STAG3: variants seen among roughly 807,000 people sequenced by gnomAD.
The protein encoded by STAG3 is cohesin subunit SA-3.
Under a neutral mutation model 160.7 loss-of-function variants are expected in STAG3, and 101 were observed. The ratio of observed to expected loss-of-function variants is 0.63; its 90% CI spans 0.54 to 0.74. The LOEUF (loss-of-function observed/expected upper bound fraction) is 0.74, where lower values mean the gene tolerates loss of function less well. STAG3 is among the 30% of genes least tolerant of loss of function. STAG3 has a pLI of 0.00. For synonymous variants in STAG3, 519 were observed against 585.0 expected, an observed-to-expected ratio of 0.89 and a Z score of 1.63; for missense variants, 1,188 against 1,517.4, an observed-to-expected ratio of 0.78 and a Z score of 3.61.
intron 27 of STAG3, 59 bp from the exon 28 acceptor site, chr7:100,204,946 C>T: frequency 6.3e-7 from 1 of 1,592,848 alleles, no homozygotes; most frequent in Non-Finnish European, 8.5e-7. Context: ...CAGGATAGCT[C>T]AGGCCTGGGA....
intron 5 of STAG3, 110 bp from the exon 6 acceptor site, chr7:100,188,343 C>T: frequency 2.5e-6 from 2 of 814,000 alleles, no homozygotes; most frequent in Non-Finnish European, 2.2e-6. Flanking sequence ...TCTCATTCCC[C>T]ACCTAAGCTC....
downstream of STAG3, among the ~76,000 whole-genome samples, chr7:100,217,624 T>C (rs1727138): frequency 0.69 from 104,930 of 151,820 alleles, 36,965 homozygotes; most frequent in Middle Eastern, 0.86. Context: ...CGCGCTGCTA[T>C]TTATGGTATT....
intron 5 of STAG3, among the ~76,000 whole-genome samples, chr7:100,186,644 A>G (rs1416209179): frequency 2.0e-5 from 3 of 152,148 alleles, no homozygotes; most frequent in African/African-American, 7.2e-5. Context: ...GGATAGCGCC[A>G]CTGCACTCCA....
rs188578171 is a variant in STAG3 at position 100,200,486 on chromosome 7, C to T, written c.1804C>T (p.Leu602Phe). The change falls in exon 18 of 34, where the codon CTC becomes TTC. Residue 602 changes from leucine (L) to phenylalanine (F), a missense_variant. By Grantham distance (22) the Leu-to-Phe change is conservative (BLOSUM62 0). Coordinates refer to ENST00000615138, the MANE Select transcript of STAG3 (RefSeq NM_001282717.2). ...TGATGCAGAGAAGGTCACTCCCCTG[C>T]TCCAGCTTCTCAGCTGCTTTGACCT... ...SADAEKVTPL[L>F]QLLSCFDLHI... is the part of the protein sequence containing the mutation. 74 of 1,614,170 alleles carry T rather than the reference C, an allele frequency of 4.6e-5. No individual in the cohort carries two copies. The highest frequency in any genetic ancestry group is 5.7e-5 in the Non-Finnish European group (67 of 1,180,028).
At chr7:100,216,715 C>T (rs559973908), downstream of STAG3, among the ~76,000 whole-genome samples, 12 of 151,732 alleles carry the variant, frequency 7.9e-5, no homozygotes, top group South Asian at 1.5e-3. Context: ...ACAGGAGAAT[C>T]GCTTGAATTT....
chr7:100,200,065 CAAAAA>C (rs59199513), intron 16 of STAG3, 166 bp from the exon 17 acceptor site: 205 of 372,948 alleles, frequency 5.5e-4, no homozygotes, highest in South Asian at 7.5e-4. Context: ...GACTCCGTCT[CAAAAA>C]AAAAAAAAAA....
downstream of STAG3, among the ~76,000 whole-genome samples, chr7:100,216,026 C>T (rs1210763303): frequency 6.6e-6 from 1 of 152,190 alleles, no homozygotes; most frequent in Non-Finnish European, 1.5e-5. Context: ...AGGTCCCAGC[C>T]AACATCCATG....
intron 19 of STAG3, 58 bp from the exon 20 acceptor site, chr7:100,201,032 G>A: frequency 6.2e-7 from 1 of 1,614,040 alleles, no homozygotes; most frequent in Non-Finnish European, 8.5e-7. Context: ...GCAAGACGGG[G>A]GATGTGGACT....
At chr7:100,200,696 C>T (rs778056716) in intron 18 of STAG3, 73 bp from the exon 19 acceptor site, 264 of 1,570,314 alleles carry the variant, frequency 1.7e-4, no homozygotes, top group Non-Finnish European at 2.2e-4. Context: ...CTTTTAACCC[C>T]GTTCCACTTC....
chr7:100,196,144 AAG>A (rs1049781129), intron 9 of STAG3, among the ~76,000 whole-genome samples: 1 of 152,000 alleles, frequency 6.6e-6, no homozygotes, highest in African/African-American at 2.4e-5. Flanking sequence ...AAAGAAAAAA[AAG>A]AAAAAAAAAA....
chr7:100,205,467 G>C, intron 29 of STAG3, 83 bp downstream of exon 29: 1 of 1,325,030 alleles, frequency 7.5e-7, no homozygotes, highest in South Asian at 1.5e-5. Context: ...GTATTTCATT[G>C]AGCATCTACT....
At chr7:100,216,182 T>C (rs1199102512), downstream of STAG3, among the ~76,000 whole-genome samples, 1 of 152,194 alleles carries the variant, frequency 6.6e-6, no homozygotes, top group Non-Finnish European at 1.5e-5. Flanking sequence ...GTGGAGCCCA[T>C]GAGCATAGTA....
At position 100,199,574 on chromosome 7, in the gene STAG3, A is replaced by T; in HGVS notation, c.1607A>T (p.Glu536Val). 6.2e-7 allele frequency: 1 copy of T among 1,604,070 alleles called. No individual in the cohort carries two copies. Among genetic ancestry groups the T allele is most frequent in the Non-Finnish European group, 8.5e-7 (1 of 1,175,434 alleles). ...LGDVQESTLI[E>V]ILVSSARQAS... is the part of the protein sequence containing the mutation. Reference sequence around the variant, plus strand: ...GATGTGCAGGAGAGCACACTGATAGAAATCCTTGTGTCCAGTGCCCGGCAA... The same window carrying T: ...GATGTGCAGGAGAGCACACTGATAGTAATCCTTGTGTCCAGTGCCCGGCAA... Residue 536 changes from glutamate to valine, a missense_variant, in exon 16 of 34, where the codon GAA (glutamate) becomes GTA (valine). By Grantham distance (121) the Glu-to-Val change is moderately radical. Transcript: ENST00000615138.
At chr7:100,211,339 A>G in intron 30 of STAG3, 96 bp from the exon 31 acceptor site, 1 of 1,497,970 alleles carries the variant, frequency 6.7e-7, no homozygotes, top group South Asian at 1.2e-5. Flanking sequence ...TTTAAAATGC[A>G]TCTCTCTGAG....
In STAG3 at chr7:100,201,991, G is replaced by A; in HGVS notation, c.2344G>A (p.Glu782Lys). 1 of 1,614,146 alleles carries A rather than the reference G, an allele frequency of 6.2e-7. No homozygotes were observed. Among genetic ancestry groups the A allele is most frequent in the Non-Finnish European group, 8.5e-7 (1 of 1,180,050 alleles). ...SLRDRMVAFCELCQSCLSDVD... is the reference protein window; with the variant it reads ...SLRDRMVAFCKLCQSCLSDVD... ...GAGGGACAGAATGGTGGCCTTCTGTGAACTCTGCCAGAGTTGCCTCTCAGA... is the reference window on the plus strand; with the variant it reads ...GAGGGACAGAATGGTGGCCTTCTGTAAACTCTGCCAGAGTTGCCTCTCAGA... Residue 782 changes from glutamate (E) to lysine (K), a missense_variant, in exon 23 of 34, where the codon GAA (glutamate) becomes AAA (lysine). Glu to Lys is a moderately conservative substitution (Grantham distance 56, BLOSUM62 1). Transcript: ENST00000615138.
At chr7:100,203,935 G>A (rs925273030) in intron 25 of STAG3, 86 bp from the exon 26 acceptor site, 15 of 839,952 alleles carry the variant, frequency 1.8e-5, no homozygotes, top group Non-Finnish European at 3.0e-5. Flanking sequence ...GAGTTTGGGA[G>A]GGAGACATGA....
chr7:100,194,465 C>T (rs1226378052), intron 8 of STAG3, among the ~76,000 whole-genome samples: 2 of 152,086 alleles, frequency 1.3e-5, no homozygotes, highest in East Asian at 1.9e-4. Flanking sequence ...TATATGGGCA[C>T]GGTTTGTGGT....
intron 5 of STAG3, among the ~76,000 whole-genome samples, 182 bp from the exon 6 acceptor site, chr7:100,188,271 A>AG (rs1800152232): frequency 6.6e-6 from 1 of 152,134 alleles, no homozygotes; most frequent in Admixed American, 6.5e-5. Context: ...TTGGGTTTTT[A>AG]GAGAGATTGC....
chr7:100,199,345 C>G lies in STAG3; in HGVS notation c.1551C>G (p.Ser517Arg). Residue 517 changes from serine (S) to arginine (R), a missense_variant, in exon 15 of 34, where the codon AGC becomes AGG. Physicochemically the swap from Ser to Arg is moderately radical, Grantham distance 110. Coordinates refer to ENST00000615138, the MANE Select transcript of STAG3 (RefSeq NM_001282717.2). ...ARLKDWEGLT[S>R]LLLEKDQNLG... ...TGAAGGACTGGGAGGGTCTGACAAG[C>G]CTGCTGCTGGAGAAGGACCAGAGTA... 6.2e-7 allele frequency: 1 copy of G among 1,614,058 alleles called. No individual in the cohort carries two copies.
Sources: gnomAD v4.1 joint callset for allele counts (sites outside exome capture counted in the v4.1 genomes callset) on GRCh38, gnomAD v4.1.1 for gene constraint, MANE v1.5 for transcripts, NCBI Gene and HGNC (gene_info 2026-07-23, HGNC 2026-07-21) for gene names.